CNTNAP3: variants seen among roughly 807,000 people sequenced by gnomAD.
CNTNAP3 encodes the protein contactin associated protein family member 3, also known as contactin-associated protein-like 3.
Under a neutral mutation model 92.1 loss-of-function variants are expected in CNTNAP3, and 36 were observed. The observed-to-expected ratio is 0.39, with a 90% confidence interval of 0.30 to 0.52. The LOEUF (loss-of-function observed/expected upper bound fraction) is 0.52, where lower values mean the gene tolerates loss of function less well. Ranked by LOEUF, CNTNAP3 falls within the 20% of genes least tolerant of loss-of-function variation. The probability of loss-of-function intolerance (pLI) is 0.76; values close to 1 mark genes in which losing one functional copy is unlikely to be tolerated. For synonymous variants in CNTNAP3, 232 were observed against 422.3 expected (o/e 0.55, Z 5.53); for missense variants, 534 against 1,069.6 (o/e 0.50, Z 6.98).
rs981774372 is a variant in CNTNAP3, at chr9:39,071,252, G to C, written c.*2638C>G. Among the ~76,000 whole-genome samples the C allele has an allele frequency of 4.6e-5, 7 of 151,138 alleles. No individual in the cohort carries two copies. Among genetic ancestry groups the C allele is most frequent in the Admixed American group, 3.3e-4 (5 of 15,236 alleles). ...GACAGAGTAATAGAGACACGGGGTAGAATATGTCACGTATCAGTAGTAACT... is the reference window on the plus strand; with the variant it reads ...GACAGAGTAATAGAGACACGGGGTACAATATGTCACGTATCAGTAGTAACT... On this transcript the variant is annotated 3_prime_UTR_variant, in exon 24 of 24. Transcript: ENST00000297668.
chr9:39,178,770 T>C (rs2118248365), intron 4 of CNTNAP3, among the ~76,000 whole-genome samples: 1 of 130,750 alleles, frequency 7.6e-6, no homozygotes, highest in East Asian at 2.3e-4. Flanking sequence ...ATACCTTTGT[T>C]CATTCCCAGT....
chr9:39,130,799 G>A (rs1378575719), intron 13 of CNTNAP3, among the ~76,000 whole-genome samples: 8 of 151,652 alleles, frequency 5.3e-5, no homozygotes, highest in Non-Finnish European at 1.0e-4. Context: ...CACCGTGCCC[G>A]GCCAATAGGA....
chr9:39,134,128 T>C (rs1042507484), intron 12 of CNTNAP3, among the ~76,000 whole-genome samples: 4 of 152,140 alleles, frequency 2.6e-5, no homozygotes, highest in African/African-American at 9.7e-5. Flanking sequence ...AGCCTTACTG[T>C]TACTTACACA....
intron 15 of CNTNAP3, 63 bp downstream of exon 15, chr9:39,109,097 T>C: frequency 6.4e-7 from 1 of 1,557,798 alleles, no homozygotes; most frequent in African/African-American, 1.4e-5. Context: ...AGGGCATTTG[T>C]CTACTCTTTT....
chr9:39,103,678 G>T (rs1587708428), intron 16 of CNTNAP3, 66 bp downstream of exon 16: 1 of 1,467,782 alleles, frequency 6.8e-7, no homozygotes, highest in East Asian at 2.3e-5. Context: ...CTAACATTTT[G>T]TTGAGTTAAA....
In CNTNAP3 at chr9:39,076,086, A is replaced by T. The variant is rs559716826; in HGVS notation, c.3746-2075T>A. Among the ~76,000 whole-genome samples, 23 of 152,398 alleles carry T rather than the reference A, an allele frequency of 1.5e-4. No homozygotes were observed. In the East Asian group the frequency reaches 4.1e-3, roughly 27 times the overall value. Reference sequence around the variant, plus strand: ...TTTTCATCCCCTCGTTCAGGCTAAGAATTTCTCAGCGGAAGAGAACACTGC... The same window carrying T: ...TTTTCATCCCCTCGTTCAGGCTAAGTATTTCTCAGCGGAAGAGAACACTGC... On this transcript the variant is annotated intron_variant, in intron 23 of 23. Coordinates refer to ENST00000297668, the MANE Select transcript of CNTNAP3 (RefSeq NM_033655.5).
intron 18 of CNTNAP3, among the ~76,000 whole-genome samples, chr9:39,099,204 T>C (rs1193491953): frequency 6.6e-6 from 1 of 152,080 alleles, no homozygotes; most frequent in African/African-American, 2.4e-5. Context: ...TCCGCCTGCC[T>C]TGGCCTCCCA....
rs1353883797 is a variant in CNTNAP3, at chr9:39,068,629, C to T, written c.*5261G>A. On this transcript the variant is annotated 3_prime_UTR_variant, in exon 24 of 24. Coordinates refer to ENST00000297668, the MANE Select transcript of CNTNAP3 (RefSeq NM_033655.5). The stretch of plus-strand genomic sequence containing the variant: ...TGAAGGGCGACCCTCTCCAGATTTG[C>T]AAAGTTTTCTCCAATGCAGCTCTTT... Among the ~76,000 whole-genome samples, 836 of 144,436 alleles carry T rather than the reference C, an allele frequency of 5.8e-3. No homozygotes were observed. The highest frequency in any genetic ancestry group is 0.023 in the African/African-American group (785 of 34,192). 94.8% of individuals were successfully genotyped at this position (144,436 alleles called of 152,430 possible). A position where few individuals can be genotyped will look rare whatever the true frequency, so the allele number is the denominator to read the frequency against.
rs1158584819 is a variant in CNTNAP3, at chr9:39,068,693, C to T, written c.*5197G>A. On this transcript the variant is annotated 3_prime_UTR_variant, in exon 24 of 24. Transcript: ENST00000297668. ...CTATCCTGCAATCTCTAGCCACCTT[C>T]GTGTACCTGAACTCTCAGCAACAGC... Among the ~76,000 whole-genome samples, 3 of 152,306 alleles carry T rather than the reference C, an allele frequency of 2.0e-5. No individual in the cohort carries two copies. In the East Asian group the frequency reaches 5.8e-4, roughly 29 times the overall value.
intron 15 of CNTNAP3, among the ~76,000 whole-genome samples, chr9:39,107,178 T>C (rs1826625707): frequency 7.0e-6 from 1 of 143,868 alleles, no homozygotes; most frequent in South Asian, 2.2e-4. Context: ...GTATAAACAA[T>C]GTTTCAAAAA....
chr9:39,080,578 T>G (rs964306942), intron 21 of CNTNAP3, among the ~76,000 whole-genome samples: 3 of 138,608 alleles, frequency 2.2e-5, no homozygotes, highest in Admixed American at 2.1e-4. Flanking sequence ...ACAAGAGTAT[T>G]TTTATCTTTT....
Position 39,065,373 on chromosome 9 carries a change from T to C in CNTNAP3, c.*8517A>G, listed in dbSNP as rs1825489332. On this transcript the variant is annotated 3_prime_UTR_variant, in exon 24 of 24. Coordinates refer to ENST00000297668, the MANE Select transcript of CNTNAP3 (RefSeq NM_033655.5). Reference sequence around the variant, plus strand: ...TACAACACAAATTGTTTGTCCATTTTCTTGTTGAAGGTCTTTTAGGCAGTT... The same window carrying C: ...TACAACACAAATTGTTTGTCCATTTCCTTGTTGAAGGTCTTTTAGGCAGTT... 1.3e-5 allele frequency among the ~76,000 whole-genome samples: 2 copies of C among 152,406 alleles called. No individual in the cohort carries two copies. Among genetic ancestry groups the C allele is most frequent in the South Asian group, 4.1e-4 (2 of 4,828 alleles).
chr9:39,119,493 A>G (rs898868740), intron 13 of CNTNAP3, among the ~76,000 whole-genome samples: 42 of 152,300 alleles, frequency 2.8e-4, no homozygotes, highest in Non-Finnish European at 5.0e-4. Flanking sequence ...TCGGAATGCC[A>G]CTTTAAAAGT....
rs1427695827 is a variant in CNTNAP3, at chr9:39,067,130, CTGCCATTAATTACATCCAT to C, written c.*6741_*6759del. Among the ~76,000 whole-genome samples, 240 of 152,324 alleles carry C rather than the reference CTGCCATTAATTACATCCAT, an allele frequency of 1.6e-3. No homozygotes were observed. The highest frequency in any genetic ancestry group is 3.1e-3 in the Non-Finnish European group (211 of 67,966). The stretch of plus-strand genomic sequence containing the variant: ...AATATTTTCTTCTGAAAACTCTCAT[CTGCCATTAATTACATCCAT>C]TGTATTTTTTAATCTTATACATTAA... On this transcript the variant is annotated 3_prime_UTR_variant, in exon 24 of 24. Transcript: ENST00000297668.
chr9:39,096,186 A>G (rs1312144581), intron 18 of CNTNAP3, among the ~76,000 whole-genome samples: 1 of 137,706 alleles, frequency 7.3e-6, no homozygotes, highest in Non-Finnish European at 1.6e-5. Context: ...AAAATAGTTA[A>G]GCACTGAAAA....
At chr9:39,148,915 A>G (rs551310036) in intron 10 of CNTNAP3, among the ~76,000 whole-genome samples, 9 of 152,216 alleles carry the variant, frequency 5.9e-5, no homozygotes, top group Non-Finnish European at 1.2e-4. Context: ...GTATGTAGAA[A>G]TATTATTTTT....
At position 39,067,549 on chromosome 9, in the gene CNTNAP3, C is replaced by A. The variant is rs1187654261; in HGVS notation, c.*6341G>T. 1.6e-3 allele frequency among the ~76,000 whole-genome samples: 242 copies of A among 148,040 alleles called. No individual in the cohort carries two copies. The highest frequency in any genetic ancestry group is 5.6e-3 in the African/African-American group (218 of 39,114). ...AGTAGCTGGGACTTCAGGCGCCCAACACCACGCCCGGCTAATTTTTGTATG... is the reference window on the plus strand; with the variant it reads ...AGTAGCTGGGACTTCAGGCGCCCAAAACCACGCCCGGCTAATTTTTGTATG... On this transcript the variant is annotated 3_prime_UTR_variant, in exon 24 of 24. Transcript: ENST00000297668.
chr9:39,072,217 A>G lies in CNTNAP3; in HGVS notation c.*1673T>C, dbSNP rs1285100108. On this transcript the variant is annotated 3_prime_UTR_variant, in exon 24 of 24. Coordinates refer to ENST00000297668, the MANE Select transcript of CNTNAP3 (RefSeq NM_033655.5). ...CGGATTTAAGACAGAGAGTGTATTCATTCTTTCAAAAATAACACATACGAA... is the reference window on the plus strand; with the variant it reads ...CGGATTTAAGACAGAGAGTGTATTCGTTCTTTCAAAAATAACACATACGAA... 8.5e-6 allele frequency among the ~76,000 whole-genome samples: 1 copy of G among 117,354 alleles called. No individual in the cohort carries two copies. Among genetic ancestry groups the G allele is most frequent in the Non-Finnish European group, 1.7e-5 (1 of 59,862 alleles). 77.0% of individuals were successfully genotyped at this position (117,354 alleles called of 152,430 possible). A position where few individuals can be genotyped will look rare whatever the true frequency, so the allele number is the denominator to read the frequency against.
rs1825613399 is a variant in CNTNAP3 at position 39,070,480 on chromosome 9, G to A, written c.*3410C>T. Among the ~76,000 whole-genome samples, 1 of 142,942 alleles carries A rather than the reference G, an allele frequency of 7.0e-6. No homozygotes were observed. Among genetic ancestry groups the A allele is most frequent in the South Asian group, 2.3e-4 (1 of 4,320 alleles). 93.8% of individuals were successfully genotyped at this position (142,942 alleles called of 152,430 possible). A position where few individuals can be genotyped will look rare whatever the true frequency, so the allele number is the denominator to read the frequency against. ...AAAAATCAAAACAACGGAATTCATG[G>A]ATATAGAGTAGAAGGATGGTTAGTA... On this transcript the variant is annotated 3_prime_UTR_variant, in exon 24 of 24. Coordinates refer to ENST00000297668, the MANE Select transcript of CNTNAP3 (RefSeq NM_033655.5).
Sources: allele counts gnomAD v4.1 joint callset (sites outside exome capture counted in the v4.1 genomes callset), GRCh38; gene constraint gnomAD v4.1.1; transcripts MANE v1.5; gene names NCBI Gene and HGNC (gene_info 2026-07-23, HGNC 2026-07-21).